Variants in QTMAN observed in about 807,000 individuals in gnomAD.
QTMAN encodes the protein queuosine-tRNA mannosyltransferase, also known as tRNA-queuosine alpha-mannosyltransferase.
the QTMAN span, among the ~76,000 whole-genome samples, chr2:144,282,877 C>T: frequency 8.8e-3 from 1,336 of 152,240 alleles, 14 homozygotes; most frequent in African/African-American, 0.03. Flanking sequence ...AGTTAATAAT[C>T]AATCATGCCT....
the QTMAN span, among the ~76,000 whole-genome samples, chr2:144,136,429 G>GGAAAGGAAAGGAAAA: frequency 6.8e-6 from 1 of 147,464 alleles, no homozygotes; most frequent in Non-Finnish European, 1.5e-5. Flanking sequence ...GGAAAGGAAA[G>GGAAAGGAAAGGAAAA]GAAAGGAAAA....
At chr2:144,014,629 G>C in the QTMAN span, among the ~76,000 whole-genome samples, 7 of 152,192 alleles carry the variant, frequency 4.6e-5, no homozygotes, top group Admixed American at 3.9e-4. Context: ...CTGGTCCCAG[G>C]GATATGACAC....
At chr2:144,328,857 T>A in the QTMAN span, among the ~76,000 whole-genome samples, 2 of 152,214 alleles carry the variant, frequency 1.3e-5, no homozygotes, top group African/African-American at 4.8e-5. Context: ...GCCTATGGAA[T>A]TGGCTCTGCA....
the QTMAN span, among the ~76,000 whole-genome samples, chr2:144,063,571 A>T: frequency 1.3e-5 from 2 of 152,194 alleles, no homozygotes; most frequent in Non-Finnish European, 2.9e-5. Flanking sequence ...TGCTTAAAAA[A>T]TTGTTTCTGA....
At chr2:144,253,004 T>C in the QTMAN span, among the ~76,000 whole-genome samples, 2 of 152,216 alleles carry the variant, frequency 1.3e-5, no homozygotes. Context: ...TCTTGAATTA[T>C]AGTTCCCATA....
the QTMAN span, among the ~76,000 whole-genome samples, chr2:144,253,842 A>C: frequency 6.6e-6 from 1 of 152,226 alleles, no homozygotes; most frequent in East Asian, 1.9e-4. Flanking sequence ...AAATGCTAAT[A>C]ACCAAGACAG....
At chr2:143,947,285 A>G in the QTMAN span, 3 of 635,688 alleles carry the variant, frequency 4.7e-6, no homozygotes, top group Non-Finnish European at 8.4e-6. Context: ...CTTGAGTTTC[A>G]TCACCTCAGG....
the QTMAN span, among the ~76,000 whole-genome samples, chr2:144,030,464 T>G: frequency 2.0e-5 from 3 of 152,286 alleles, no homozygotes; most frequent in East Asian, 5.8e-4. Context: ...GTCCCTTTGT[T>G]TTTTCTTCCT....
the QTMAN span, among the ~76,000 whole-genome samples, chr2:143,967,382 G>C: frequency 2.0e-5 from 3 of 151,394 alleles, no homozygotes; most frequent in African/African-American, 7.3e-5. Flanking sequence ...CCAGGCTGGA[G>C]TGCAATGGCA....
chr2:144,167,006 C>T, the QTMAN span, among the ~76,000 whole-genome samples: 11 of 152,104 alleles, frequency 7.2e-5, no homozygotes, highest in Non-Finnish European at 1.6e-4. Flanking sequence ...CCCTGGGTAC[C>T]ATGAGTCATT....
chr2:144,133,471 T>TATAATATATATTATATATATTATA, the QTMAN span, among the ~76,000 whole-genome samples: 1 of 65,954 alleles, frequency 1.5e-5, no homozygotes, highest in African/African-American at 6.2e-5. Context: ...ATATTATATA[T>TATAATATATATTATATATATTATA]TATATAATAT....
At chr2:144,153,506 G>A in the QTMAN span, among the ~76,000 whole-genome samples, 1 of 151,972 alleles carries the variant, frequency 6.6e-6, no homozygotes, top group Non-Finnish European at 1.5e-5. Flanking sequence ...TCAGGAGATC[G>A]AGACCATCTT....
At chr2:144,245,001 T>C in the QTMAN span, among the ~76,000 whole-genome samples, 1 of 152,346 alleles carries the variant, frequency 6.6e-6, no homozygotes, top group Admixed American at 6.5e-5. Flanking sequence ...ATGTAACCTC[T>C]TTATGCTTCA....
At chr2:144,036,299 G>A in the QTMAN span, among the ~76,000 whole-genome samples, 2 of 152,120 alleles carry the variant, frequency 1.3e-5, no homozygotes, top group South Asian at 4.1e-4. Context: ...TGTTTCCAAA[G>A]GAAAAGCCTT....
chr2:144,037,135 T>C, the QTMAN span, among the ~76,000 whole-genome samples: 69 of 152,284 alleles, frequency 4.5e-4, no homozygotes, highest in African/African-American at 1.5e-3. Flanking sequence ...CACTATTTAA[T>C]AGGTAAGCAG....
the QTMAN span, among the ~76,000 whole-genome samples, chr2:144,282,614 A>G: frequency 6.6e-6 from 1 of 152,146 alleles, no homozygotes; most frequent in African/African-American, 2.4e-5. Context: ...AGAAATAAAC[A>G]GTTAAAAACT....
chr2:144,086,417 A>G, the QTMAN span, among the ~76,000 whole-genome samples: 2 of 152,308 alleles, frequency 1.3e-5, no homozygotes, highest in South Asian at 4.1e-4. Context: ...TCGTGATTAC[A>G]AGTGTGAGAC....
At chr2:143,982,182 T>C in the QTMAN span, among the ~76,000 whole-genome samples, 1 of 152,122 alleles carries the variant, frequency 6.6e-6, no homozygotes, top group South Asian at 2.1e-4. Flanking sequence ...ATTAATTAAA[T>C]ATACTTACTG....
the QTMAN span, chr2:144,145,871 G>T: frequency 3.6e-6 from 2 of 560,692 alleles, no homozygotes; most frequent in Admixed American, 3.4e-5. Context: ...AATAGTTGAG[G>T]CTTAATACCA....
Sources: allele counts gnomAD v4.1 joint callset (sites outside exome capture counted in the v4.1 genomes callset), GRCh38; gene constraint gnomAD v4.1.1; transcripts MANE v1.5; gene names NCBI Gene and HGNC (gene_info 2026-07-23, HGNC 2026-07-21).